The following DLGAP2 variants were observed in gnomAD, a reference collection of about 807,000 sequenced individuals.
DLGAP2 encodes the protein disks large-associated protein 2.
In DLGAP2, 26 loss-of-function variants were observed where a neutral mutation model predicts 100.3. The observed-to-expected ratio is 0.26, with a 90% CI of 0.19 to 0.36. The LOEUF is 0.36. DLGAP2 is among the 10% of genes least tolerant of loss of function. DLGAP2 has a pLI of 1.00. For synonymous variants in DLGAP2, 886 were observed against 630.1 expected, an observed-to-expected ratio of 1.41 and a Z score of -6.08; for missense variants, 1,858 against 1,453.2, an observed-to-expected ratio of 1.28 and a Z score of -4.53.
intron 2 of DLGAP2, among the ~76,000 whole-genome samples, chr8:921,609 G>T (rs1038587800): frequency 1.3e-4 from 20 of 152,240 alleles, no homozygotes; most frequent in Admixed American, 1.3e-3. Flanking sequence ...TGTCCCTTCT[G>T]CCTGGAGGAC....
chr8:762,156 C>T (rs1821104616), intron 1 of DLGAP2, among the ~76,000 whole-genome samples: 1 of 152,130 alleles, frequency 6.6e-6, no homozygotes, highest in Non-Finnish European at 1.5e-5. Flanking sequence ...AAAAACAAAA[C>T]ATAATCCTAG....
chr8:1,589,679 C>T (rs1047428441), intron 6 of DLGAP2, among the ~76,000 whole-genome samples: 2 of 152,318 alleles, frequency 1.3e-5, no homozygotes, highest in African/African-American at 4.8e-5. Context: ...AACTCCTGGG[C>T]TCAAGCAATC....
At chr8:924,000 A>G (rs1003437468) in intron 2 of DLGAP2, among the ~76,000 whole-genome samples, 1 of 152,200 alleles carries the variant, frequency 6.6e-6, no homozygotes, top group Non-Finnish European at 1.5e-5. Flanking sequence ...TGCTGTTAAC[A>G]TTGCTTTGAA....
chr8:1,183,723 G>A (rs1585130312), intron 2 of DLGAP2, among the ~76,000 whole-genome samples: 1 of 152,160 alleles, frequency 6.6e-6, no homozygotes, highest in South Asian at 2.1e-4. Context: ...TGTTATCACC[G>A]CCTCCTGGTC....
At chr8:1,555,227 C>G (rs926267384) in intron 5 of DLGAP2, among the ~76,000 whole-genome samples, 2 of 152,164 alleles carry the variant, frequency 1.3e-5, no homozygotes, top group African/African-American at 4.8e-5. Context: ...CCTTCCGCAG[C>G]CCCTCGAGTT....
At chr8:1,020,675 G>T (rs944036251) in intron 2 of DLGAP2, among the ~76,000 whole-genome samples, 2 of 152,210 alleles carry the variant, frequency 1.3e-5, no homozygotes, top group Non-Finnish European at 2.9e-5. Flanking sequence ...GACTCACTGA[G>T]TAAGGGGAAC....
At chr8:1,102,871 G>C (rs1010333527) in intron 2 of DLGAP2, among the ~76,000 whole-genome samples, 10 of 152,082 alleles carry the variant, frequency 6.6e-5, no homozygotes, top group African/African-American at 2.4e-4. Flanking sequence ...GTGAGTCTCT[G>C]GGGTCTCTGG....
At chr8:1,051,898 C>T (rs1405754565) in intron 2 of DLGAP2, among the ~76,000 whole-genome samples, 1 of 152,208 alleles carries the variant, frequency 6.6e-6, no homozygotes, top group African/African-American at 2.4e-5. Flanking sequence ...TTTCAACATG[C>T]CATGGATTCA....
At chr8:796,252 G>A (rs1796034742) in intron 1 of DLGAP2, among the ~76,000 whole-genome samples, 1 of 152,208 alleles carries the variant, frequency 6.6e-6, no homozygotes, top group African/African-American at 2.4e-5. Context: ...GGGCTCCCCG[G>A]TGATGAGCTG....
chr8:1,211,788 T>C (rs1001234479), intron 2 of DLGAP2, among the ~76,000 whole-genome samples: 2 of 152,192 alleles, frequency 1.3e-5, no homozygotes, highest in African/African-American at 4.8e-5. Flanking sequence ...GGCAGGAGAA[T>C]TGCTTGAACC....
chr8:1,600,223 G>A (rs2956943), intron 6 of DLGAP2, among the ~76,000 whole-genome samples: 110,210 of 152,062 alleles, frequency 0.72, 40,334 homozygotes, highest in East Asian at 0.92. Flanking sequence ...AGCTTTTAGC[G>A]TGTCTGCAGA....
intron 8 of DLGAP2, among the ~76,000 whole-genome samples, chr8:1,647,628 A>G (rs1209403128): frequency 6.6e-6 from 1 of 152,126 alleles, no homozygotes; most frequent in Non-Finnish European, 1.5e-5. Flanking sequence ...TCATGCTAAC[A>G]ATATCAAGAT....
chr8:1,099,922 C>A (rs1804520356), intron 2 of DLGAP2, among the ~76,000 whole-genome samples: 1 of 152,174 alleles, frequency 6.6e-6, no homozygotes, highest in South Asian at 2.1e-4. Flanking sequence ...TACAGTAGGC[C>A]CCCTTCTCCA....
intron 3 of DLGAP2, among the ~76,000 whole-genome samples, chr8:1,464,272 C>A (rs80041431): frequency 2.9e-4 from 30 of 104,562 alleles, no homozygotes; most frequent in East Asian, 6.0e-4. Context: ...CAGGACGGCA[C>A]CCTTCCAGGA....
rs1481741225 is a variant in DLGAP2 at position 1,462,770 on chromosome 8, C to T, written c.107-38596C>T. ...GTCCCCCCGCAGAGGCCAGGGATGC[C>T]TCCTGAACAAGCCTCATCTCCGTGA... is the stretch of plus-strand genomic sequence containing the variant. On this transcript the variant is annotated intron_variant, in intron 3 of 14. Transcript: ENST00000637795. Among the ~76,000 whole-genome samples the T allele has an allele frequency of 4.7e-4, 71 of 152,200 alleles. 1 individual carries two copies. Among genetic ancestry groups the T allele is most frequent in the Non-Finnish European group, 1.5e-5 (1 of 68,036 alleles).
chr8:1,478,355 G>A (rs1443675613), intron 3 of DLGAP2, among the ~76,000 whole-genome samples: 1 of 152,206 alleles, frequency 6.6e-6, no homozygotes, highest in Admixed American at 6.5e-5. Flanking sequence ...CAGCTCATGT[G>A]AGACGTGGTG....
At chr8:977,786 G>A (rs1224107750) in intron 2 of DLGAP2, among the ~76,000 whole-genome samples, 3 of 128,278 alleles carry the variant, frequency 2.3e-5, no homozygotes, top group African/African-American at 5.5e-5. Flanking sequence ...GAGGGCGTCG[G>A]GGATGCAGTG....
At chr8:853,684 C>A (rs995142042) in intron 1 of DLGAP2, among the ~76,000 whole-genome samples, 39 of 152,216 alleles carry the variant, frequency 2.6e-4, no homozygotes, top group Non-Finnish European at 5.6e-4. Context: ...CACACCGCCC[C>A]GTGCACAGGC....
intron 4 of DLGAP2, among the ~76,000 whole-genome samples, chr8:1,535,903 G>C (rs1490819260): frequency 1.3e-5 from 2 of 152,198 alleles, no homozygotes; most frequent in Admixed American, 1.3e-4. Context: ...GGATGGTGTT[G>C]GTGGTCAGCC....
Sources: gnomAD v4.1 joint callset for allele counts (sites outside exome capture counted in the v4.1 genomes callset) on GRCh38, gnomAD v4.1.1 for gene constraint, MANE v1.5 for transcripts, NCBI Gene and HGNC (gene_info 2026-07-23, HGNC 2026-07-21) for gene names.